The following FMNL2 variants were observed in gnomAD, a reference collection of about 807,000 sequenced individuals.
FMNL2 encodes the protein formin-like protein 2.
A neutral mutation model predicts 130.2 loss-of-function variants in FMNL2; 51 were observed. The ratio of observed to expected loss-of-function variants is 0.39; its 90% confidence interval spans 0.31 to 0.49. The LOEUF (loss-of-function observed/expected upper bound fraction) is 0.49, where lower values mean the gene tolerates loss of function less well. FMNL2 is among the 20% of genes least tolerant of loss of function. The probability of loss-of-function intolerance (pLI) is 0.85; values close to 1 mark genes in which losing one functional copy is unlikely to be tolerated. For missense variants in FMNL2, 977 were observed against 1,316.2 expected (o/e 0.74, Z 3.99); for synonymous variants, 465 against 467.1 (o/e 1.00, Z 0.06).
rs911645782 is a variant in FMNL2, at chr2:152,388,346, G to T, written c.117+52626G>T. 5.9e-5 allele frequency among the ~76,000 whole-genome samples: 9 copies of T among 152,274 alleles called. No individual in the cohort carries two copies. The South Asian group carries it at 1.9e-3, about 32-fold the overall frequency. On this transcript the variant is annotated intron_variant, in intron 1 of 25. Coordinates refer to ENST00000288670, the MANE Select transcript of FMNL2 (RefSeq NM_052905.4). ...ACTCACAGTTCAGCATGGCTGGGGA[G>T]GCCTCAGGAAATTTACAATCATGGT...
chr2:152,453,462 A>T (rs1343436944), intron 1 of FMNL2, among the ~76,000 whole-genome samples: 1 of 152,172 alleles, frequency 6.6e-6, no homozygotes, highest in East Asian at 1.9e-4. Flanking sequence ...CCTTCATCTT[A>T]GAGGAGGGGA....
At chr2:152,491,812 G>T (rs998149450) in intron 1 of FMNL2, among the ~76,000 whole-genome samples, 1 of 152,034 alleles carries the variant, frequency 6.6e-6, no homozygotes, top group East Asian at 1.9e-4. Flanking sequence ...TTAGCCTGGC[G>T]TGGTGGCGTG....
At chr2:152,484,484 A>G (rs1690705360) in intron 1 of FMNL2, among the ~76,000 whole-genome samples, 1 of 152,016 alleles carries the variant, frequency 6.6e-6, no homozygotes, top group Non-Finnish European at 1.5e-5. Flanking sequence ...TTGAAAAAAA[A>G]AAAATAGCTG....
intron 8 of FMNL2, among the ~76,000 whole-genome samples, chr2:152,579,705 A>G (rs1239125721): frequency 6.6e-6 from 1 of 152,054 alleles, no homozygotes; most frequent in Non-Finnish European, 1.5e-5. Flanking sequence ...CTCAAAAAAT[A>G]AAGAAAGAAA....
chr2:152,543,535 C>T (rs1332880720), intron 3 of FMNL2, among the ~76,000 whole-genome samples: 1 of 152,048 alleles, frequency 6.6e-6, no homozygotes, highest in African/African-American at 2.4e-5. Context: ...ACCTACAACT[C>T]CTGCTTTTAA....
intron 1 of FMNL2, among the ~76,000 whole-genome samples, chr2:152,453,717 G>T (rs1331007244): frequency 6.6e-6 from 1 of 152,200 alleles, no homozygotes; most frequent in Non-Finnish European, 1.5e-5. Context: ...TAGATTGTAT[G>T]CCATTCTGTC....
At chr2:152,437,837 T>A (rs960581127) in intron 1 of FMNL2, among the ~76,000 whole-genome samples, 1 of 152,238 alleles carries the variant, frequency 6.6e-6, no homozygotes, top group African/African-American at 2.4e-5. Flanking sequence ...GCCTTTTGGC[T>A]GTTTCTTCGA....
At chr2:152,581,269 T>A (rs1056360658) in intron 9 of FMNL2, among the ~76,000 whole-genome samples, 1 of 152,232 alleles carries the variant, frequency 6.6e-6, no homozygotes, top group African/African-American at 2.4e-5. Context: ...TTGTTGTTGT[T>A]GTTTTTGTTT....
chr2:152,641,835 A>G (rs1212051132), intron 25 of FMNL2, among the ~76,000 whole-genome samples: 1 of 152,190 alleles, frequency 6.6e-6, no homozygotes, highest in Non-Finnish European at 1.5e-5. Context: ...CATACTTTAC[A>G]CCATTATCAC....
chr2:152,522,850 C>G (rs2105406345), intron 2 of FMNL2, among the ~76,000 whole-genome samples: 1 of 152,222 alleles, frequency 6.6e-6, no homozygotes, highest in Admixed American at 6.5e-5. Flanking sequence ...TCCAAACATA[C>G]TTTATGGTTT....
intron 12 of FMNL2, 43 bp from the exon 13 acceptor site, chr2:152,617,048 G>A: frequency 1.3e-6 from 2 of 1,566,190 alleles, no homozygotes; most frequent in Non-Finnish European, 8.8e-7. Flanking sequence ...GGCTGATCAA[G>A]ATGATCCTGT....
chr2:152,363,572 T>C (rs12992391), intron 1 of FMNL2, among the ~76,000 whole-genome samples: 11,801 of 144,552 alleles, frequency 0.082, 494 homozygotes, highest in African/African-American at 0.11. Flanking sequence ...CTTTTTTTTT[T>C]CCCCCCCAAG....
chr2:152,389,327 T>G (rs1034311363), intron 1 of FMNL2, among the ~76,000 whole-genome samples: 3 of 152,178 alleles, frequency 2.0e-5, no homozygotes, highest in Non-Finnish European at 4.4e-5. Context: ...TATCTTCATA[T>G]AGCAGAAAGG....
chr2:152,388,436 G>A (rs771929478), intron 1 of FMNL2, among the ~76,000 whole-genome samples: 7 of 152,092 alleles, frequency 4.6e-5, no homozygotes, highest in Non-Finnish European at 1.0e-4. Context: ...AACGGAATGG[G>A]AGAAAAGCCC....
At chr2:152,427,791 G>A (rs1005580270) in intron 1 of FMNL2, among the ~76,000 whole-genome samples, 2 of 151,976 alleles carry the variant, frequency 1.3e-5, no homozygotes, top group Middle Eastern at 3.2e-3. Context: ...TTCCAGAATC[G>A]TGTATGCAGT....
chr2:152,523,065 T>C (rs1311941940), intron 2 of FMNL2, among the ~76,000 whole-genome samples: 2 of 152,190 alleles, frequency 1.3e-5, no homozygotes, highest in African/African-American at 2.4e-5. Context: ...TGGATACAAA[T>C]ATTAATTTTA....
At chr2:152,640,331 G>A (rs1407043971) in intron 24 of FMNL2, among the ~76,000 whole-genome samples, 1 of 152,256 alleles carries the variant, frequency 6.6e-6, no homozygotes, top group Non-Finnish European at 1.5e-5. Flanking sequence ...AGATGACCCA[G>A]TGACCAGAGG....
intron 9 of FMNL2, among the ~76,000 whole-genome samples, chr2:152,604,090 A>C (rs751975716): frequency 6.6e-6 from 1 of 150,998 alleles, no homozygotes; most frequent in Non-Finnish European, 1.5e-5. Flanking sequence ...GGGATGTCAA[A>C]GTATGCATGG....
At chr2:152,574,461 A>C (rs1458832565) in intron 6 of FMNL2, among the ~76,000 whole-genome samples, 4 of 151,318 alleles carry the variant, frequency 2.6e-5, no homozygotes, top group Non-Finnish European at 5.9e-5. Context: ...AAAAGAAAAG[A>C]AACAGATGTG....
Sources: gnomAD v4.1 joint callset for allele counts (sites outside exome capture counted in the v4.1 genomes callset) on GRCh38, gnomAD v4.1.1 for gene constraint, MANE v1.5 for transcripts, NCBI Gene and HGNC (gene_info 2026-07-23, HGNC 2026-07-21) for gene names.